The following UPP2 variants were observed in gnomAD, a reference collection of about 807,000 sequenced individuals.
UPP2 encodes the protein UPase 2.
UPP2 carries 23 observed loss-of-function variants against 26.7 expected under a neutral mutation model. The observed-to-expected ratio is 0.86, with a 90% CI of 0.62 to 1.22. The LOEUF is 1.22. UPP2 is among the 50% of genes most tolerant of loss of function. UPP2 has a pLI of 0.00. For synonymous variants in UPP2, 127 were observed against 141.3 expected, an observed-to-expected ratio of 0.90 and a Z score of 0.72; for missense variants, 387 against 396.7, an observed-to-expected ratio of 0.98 and a Z score of 0.21.
In UPP2 at chr2:158,106,069, A is replaced by G. The variant is rs780602461; in HGVS notation, c.63-30A>G. 1.7e-5 allele frequency: 25 copies of G among 1,493,590 alleles called. No individual in the cohort carries two copies. In the East Asian group the frequency reaches 3.8e-4, roughly 22 times the overall value. 92.5% of individuals were successfully genotyped at this position (1,493,590 alleles called of 1,614,324 possible). A position where few individuals can be genotyped will look rare whatever the true frequency, so the allele number is the denominator to read the frequency against. ...GTGAGCTTTCTCTCAAAATTCTTTT[A>G]TATCTTCTTTGTATAATTTTTTTTT... On this transcript the variant is annotated intron_variant, in intron 1 of 6. Transcript: ENST00000005756.
At chr2:158,004,741 A>G (rs918410921) in intron 2 of UPP2, among the ~76,000 whole-genome samples, 7 of 152,214 alleles carry the variant, frequency 4.6e-5, no homozygotes, top group African/African-American at 1.7e-4. Flanking sequence ...GCAATTTGGT[A>G]ACTTTTTTTA....
At chr2:158,052,718 C>T (rs1222484983) in intron 3 of UPP2, among the ~76,000 whole-genome samples, 1 of 152,114 alleles carries the variant, frequency 6.6e-6, no homozygotes, top group East Asian at 1.9e-4. Context: ...GGCTTGTCTT[C>T]TTCACTGTCG....
chr2:158,053,900 T>G (rs1411107899), intron 3 of UPP2, among the ~76,000 whole-genome samples: 1 of 151,952 alleles, frequency 6.6e-6, no homozygotes, highest in Admixed American at 6.6e-5. Context: ...AAAGAAGGGG[T>G]TTTCTTTACC....
chr2:158,090,847 C>T (rs1356779580), intron 3 of UPP2, among the ~76,000 whole-genome samples: 1 of 152,046 alleles, frequency 6.6e-6, no homozygotes, highest in Non-Finnish European at 1.5e-5. Context: ...TGGAATAGGC[C>T]CCCGTGCCAA....
intron 6 of UPP2, 22 bp from the exon 7 acceptor site, chr2:158,134,726 G>A: frequency 6.3e-7 from 1 of 1,583,744 alleles, no homozygotes; most frequent in South Asian, 1.1e-5. Context: ...CATTCCATCA[G>A]TTGTGCTAAT....
At chr2:158,118,060 G>T (rs988536336) in intron 4 of UPP2, 122 bp downstream of exon 4, 3 of 779,848 alleles carry the variant, frequency 3.8e-6, no homozygotes, top group South Asian at 1.8e-5. Flanking sequence ...GTGTCAGAAG[G>T]CTGGACTTGA....
In UPP2 at chr2:158,106,200, T is replaced by C. The variant is rs374018334; in HGVS notation, c.164T>C (p.Met55Thr). The change falls in exon 2 of 7, where the codon ATG (methionine) becomes ACG (threonine). Residue 55 changes from methionine to threonine, a missense_variant. Met to Thr is a moderately conservative substitution (Grantham distance 81, BLOSUM62 -1). Transcript: ENST00000005756. Reference sequence around the variant, plus strand: ...ACAAAAACACACAACCTACCAGCAATGTTTGGAGATGTAAAGGTAAAAACA... The same window carrying C: ...ACAAAAACACACAACCTACCAGCAACGTTTGGAGATGTAAAGGTAAAAACA... ...LGTKTHNLPA[M>T]FGDVKFVCVG... 28 of 1,609,974 alleles carry C rather than the reference T, an allele frequency of 1.7e-5. No homozygotes were observed. The highest frequency in any genetic ancestry group is 2.3e-5 in the Non-Finnish European group (27 of 1,178,702).
At chr2:158,113,745 G>C (rs1282401430) in intron 2 of UPP2, among the ~76,000 whole-genome samples, 1 of 152,142 alleles carries the variant, frequency 6.6e-6, no homozygotes. Context: ...CTTTATCCCT[G>C]TGATGGACCT....
chr2:158,035,683 C>G (rs1202313265), intron 3 of UPP2, among the ~76,000 whole-genome samples: 2 of 152,126 alleles, frequency 1.3e-5, no homozygotes, highest in Admixed American at 1.3e-4. Flanking sequence ...TTTCTTACAG[C>G]CAGAGATGTG....
chr2:158,007,627 CTCTT>C (rs1440696010), intron 2 of UPP2, among the ~76,000 whole-genome samples: 79 of 142,028 alleles, frequency 5.6e-4, no homozygotes, highest in African/African-American at 2.1e-3. Flanking sequence ...TTCTCTCTCT[CTCTT>C]TTTTTTTTTT....
chr2:158,132,618 T>A (rs1477758747), intron 6 of UPP2, among the ~76,000 whole-genome samples: 2 of 152,124 alleles, frequency 1.3e-5, no homozygotes. Flanking sequence ...GAGAAAACAT[T>A]TCTAAACTGA....
At chr2:158,058,497 T>C (rs1398788404) in intron 3 of UPP2, among the ~76,000 whole-genome samples, 1 of 146,796 alleles carries the variant, frequency 6.8e-6, no homozygotes, top group East Asian at 2.1e-4. Context: ...AACGAGAAGG[T>C]GGTCTCCTAC....
intron 3 of UPP2, among the ~76,000 whole-genome samples, chr2:158,071,451 T>A (rs1385485094): frequency 6.8e-6 from 1 of 147,728 alleles, no homozygotes; most frequent in East Asian, 2.0e-4. Flanking sequence ...CTGGAGAGGC[T>A]GAGGCAGGAG....
intron 3 of UPP2, among the ~76,000 whole-genome samples, chr2:158,018,737 C>T (rs1263619377): frequency 6.6e-6 from 1 of 152,144 alleles, no homozygotes; most frequent in Non-Finnish European, 1.5e-5. Context: ...TATCTTTTCC[C>T]TTTTGTCAAT....
chr2:158,096,678 T>G (rs1173340070), intron 3 of UPP2, among the ~76,000 whole-genome samples: 1 of 152,218 alleles, frequency 6.6e-6, no homozygotes, highest in Non-Finnish European at 1.5e-5. Context: ...TAATGTCATA[T>G]AACAGATCAC....
intron 3 of UPP2, among the ~76,000 whole-genome samples, chr2:158,027,303 G>C (rs1683847803): frequency 1.3e-5 from 2 of 152,154 alleles, no homozygotes. Flanking sequence ...TACAGGTATT[G>C]GGTAAATACA....
At chr2:158,081,516 C>G (rs993373483) in intron 3 of UPP2, among the ~76,000 whole-genome samples, 1 of 152,130 alleles carries the variant, frequency 6.6e-6, no homozygotes, top group African/African-American at 2.4e-5. Flanking sequence ...TAGCTGCACT[C>G]CCATGTTTAT....
rs188988389 is a variant in UPP2, at chr2:158,093,741, T to C, written c.148-8299T>C. On this transcript the variant is annotated intron_variant, in intron 3 of 9. Transcript: ENST00000605860. ...ATTTATTGGCAACAATATGGGGAAA[T>C]GGGGTTTATTATACACTGTTGACAA... 3.3e-3 allele frequency among the ~76,000 whole-genome samples: 507 copies of C among 152,134 alleles called. 2 individuals carry two copies. The highest frequency in any genetic ancestry group is 0.012 in the African/African-American group (482 of 41,512).
At chr2:158,125,315 T>A (rs1250809244) in intron 6 of UPP2, among the ~76,000 whole-genome samples, 1 of 152,192 alleles carries the variant, frequency 6.6e-6, no homozygotes, top group East Asian at 1.9e-4. Context: ...TCTAAGGAGA[T>A]TAATTGTTGA....
Sources: gnomAD v4.1 joint callset for allele counts (sites outside exome capture counted in the v4.1 genomes callset) on GRCh38, gnomAD v4.1.1 for gene constraint, MANE v1.5 for transcripts, NCBI Gene and HGNC (gene_info 2026-07-23, HGNC 2026-07-21) for gene names.